Variants in GNS observed in about 807,000 individuals in gnomAD.
GNS encodes N-acetylglucosamine-6-sulfatase.
Under a neutral mutation model 69.7 loss-of-function variants are expected in GNS, and 40 were observed. That is an observed-to-expected ratio of 0.57 (90% confidence interval 0.45 to 0.75). The LOEUF is 0.75. Ranked by LOEUF, GNS falls within the 30% of genes least tolerant of loss-of-function variation. The probability of loss-of-function intolerance (pLI) is 0.00; values close to 1 mark genes in which losing one functional copy is unlikely to be tolerated. For missense variants in GNS, 565 were observed against 685.5 expected (o/e 0.82, Z 1.96); for synonymous variants, 243 against 251.6 (o/e 0.97, Z 0.32).
At chr12:64,742,109 C>G (rs1869757902) in intron 6 of GNS, among the ~76,000 whole-genome samples, 1 of 152,140 alleles carries the variant, frequency 6.6e-6, no homozygotes, top group South Asian at 2.1e-4. Context: ...CAAGCTCCGC[C>G]TCCCGGGTTC....
intron 1 of GNS, 64 bp downstream of exon 1, chr12:64,759,019 AAG>A (rs1215850637): frequency 3.0e-6 from 4 of 1,330,976 alleles, no homozygotes; most frequent in East Asian, 5.0e-5. Flanking sequence ...GGGACCGGGA[AAG>A]AGAGCAACAA....
In GNS at chr12:64,753,045, A is replaced by G. The variant is rs183364828; in HGVS notation, c.193-288T>C. 2.6e-5 allele frequency: 12 copies of G among 457,384 alleles called. No individual in the cohort carries two copies. In the Admixed American group the frequency reaches 4.0e-4, roughly 15 times the overall value. The allele number at this position is 457,384 out of a possible 1,614,324, so 28.3% of individuals were successfully genotyped here. A position where few individuals can be genotyped will look rare whatever the true frequency, so the allele number is the denominator to read the frequency against. On this transcript the variant is annotated intron_variant, in intron 1 of 13. Transcript: ENST00000258145. ...AGTCATCAGCGCCCAGATAAGGCAG[A>G]TAGGGCAGACCTATCTCCATGAATT...
rs150154231 is a variant in GNS, at chr12:64,752,703, T to C, written c.247A>G (p.Ser83Gly). The change falls in exon 2 of 14, where the codon AGT becomes GGT. Residue 83 changes from serine (S) to glycine (G), a missense_variant. Ser to Gly is a moderately conservative substitution (Grantham distance 56). Transcript: ENST00000258145. The stretch of plus-strand genomic sequence containing the variant: ...GAATTAACTTTCAAACTTACAGCAC[T>C]GGAAAAAGTCATCCCCATCTCTCCG... ...LIGEMGMTFS[S>G]AYVPSALCCP... 9 of 1,494,684 alleles carry C rather than the reference T, an allele frequency of 6.0e-6. No homozygotes were observed. The highest frequency in any genetic ancestry group is 8.4e-6 in the Non-Finnish European group (9 of 1,072,902). 92.6% of individuals were successfully genotyped at this position (1,494,684 alleles called of 1,614,324 possible). A position where few individuals can be genotyped will look rare whatever the true frequency, so the allele number is the denominator to read the frequency against.
intron 9 of GNS, among the ~76,000 whole-genome samples, chr12:64,730,088 A>G (rs1266966870): frequency 3.3e-5 from 5 of 152,188 alleles, no homozygotes; most frequent in African/African-American, 1.2e-4. Context: ...AAAAATCTTC[A>G]AGCACTGAAA....
At chr12:64,743,373 G>T in intron 5 of GNS, 65 bp from the exon 6 acceptor site, 1 of 1,157,024 alleles carries the variant, frequency 8.6e-7, no homozygotes, top group Non-Finnish European at 1.3e-6. Flanking sequence ...ATAGATAAAT[G>T]TCTTCTGGTG....
At position 64,755,309 on chromosome 12, in the gene GNS, T is replaced by C. The variant is rs1227710419; in HGVS notation, c.193-2552A>G. 2.0e-5 allele frequency among the ~76,000 whole-genome samples: 3 copies of C among 152,146 alleles called. No individual in the cohort carries two copies. In the East Asian group the frequency reaches 5.8e-4, roughly 29 times the overall value. On this transcript the variant is annotated intron_variant, in intron 1 of 13. Transcript: ENST00000258145. ...TTTCAGTGAAGCAATGACATATTTA[T>C]TCTCACACCTGTAATCCCACCCCTT...
intron 2 of GNS, among the ~76,000 whole-genome samples, chr12:64,749,292 G>C (rs1592507546): frequency 1.3e-5 from 1 of 75,248 alleles, no homozygotes; most frequent in South Asian, 4.7e-4. Context: ...TCGCTCTATT[G>C]CCCAGGCTGG....
intron 6 of GNS, among the ~76,000 whole-genome samples, chr12:64,742,107 G>A (rs951292114): frequency 2.0e-5 from 3 of 151,944 alleles, no homozygotes; most frequent in Non-Finnish European, 2.9e-5. Flanking sequence ...GGCAAGCTCC[G>A]CCTCCCGGGT....
At chr12:64,725,673 CTA>C (rs1445540053) in intron 10 of GNS, among the ~76,000 whole-genome samples, 2 of 152,070 alleles carry the variant, frequency 1.3e-5, no homozygotes, top group Non-Finnish European at 2.9e-5. Context: ...ATTTTTACCC[CTA>C]GAGTGAATCA....
At chr12:64,737,191 A>T in intron 8 of GNS, 84 bp from the exon 9 acceptor site, 1 of 803,916 alleles carries the variant, frequency 1.2e-6, no homozygotes, top group Non-Finnish European at 2.2e-6. Flanking sequence ...ATCCACAGCC[A>T]AAACTAAAAC....
chr12:64,755,434 C>T (rs922025898), intron 1 of GNS, among the ~76,000 whole-genome samples: 10 of 151,458 alleles, frequency 6.6e-5, no homozygotes, highest in African/African-American at 1.7e-4. Context: ...AAAAATTAGC[C>T]GGGCGTGGTG....
At chr12:64,729,905 T>A (rs185041975) in intron 9 of GNS, among the ~76,000 whole-genome samples, 21 of 152,332 alleles carry the variant, frequency 1.4e-4, no homozygotes, top group Admixed American at 1.2e-3. Context: ...CAATATTTTT[T>A]AAAAAATCAA....
At chr12:64,737,176 A>ATGT in intron 8 of GNS, 69 bp from the exon 9 acceptor site, 2 of 874,820 alleles carry the variant, frequency 2.3e-6, no homozygotes, top group Non-Finnish European at 3.9e-6. Flanking sequence ...TGTTTCACTC[A>ATGT]TTTAATCCAC....
At chr12:64,729,521 A>G (rs1257669356) in intron 9 of GNS, among the ~76,000 whole-genome samples, 1 of 152,230 alleles carries the variant, frequency 6.6e-6, no homozygotes, top group African/African-American at 2.4e-5. Flanking sequence ...AGCTCTTTTT[A>G]TAGCTTCTCA....
At chr12:64,754,935 G>A (rs1321739492) in intron 1 of GNS, among the ~76,000 whole-genome samples, 1 of 151,196 alleles carries the variant, frequency 6.6e-6, no homozygotes, top group Non-Finnish European at 1.5e-5. Flanking sequence ...TCTTTATACT[G>A]CTAACTATAG....
intron 1 of GNS, among the ~76,000 whole-genome samples, chr12:64,757,855 T>C (rs1451523007): frequency 2.6e-5 from 4 of 152,234 alleles, no homozygotes; most frequent in African/African-American, 9.7e-5. Flanking sequence ...AGCTAGGGTG[T>C]GTAACTACAC....
At chr12:64,742,721 C>T (rs914789356) in intron 6 of GNS, among the ~76,000 whole-genome samples, 6 of 152,194 alleles carry the variant, frequency 3.9e-5, no homozygotes, top group African/African-American at 7.2e-5. Context: ...CATGTCACCT[C>T]GTTCATTTTT....
At chr12:64,720,914 G>A (rs753343365) in intron 12 of GNS, among the ~76,000 whole-genome samples, 1 of 152,214 alleles carries the variant, frequency 6.6e-6, no homozygotes, top group African/African-American at 2.4e-5. Context: ...TTATGGGGGA[G>A]CAGGGAACAG....
At chr12:64,748,007 A>T (rs1425072647) in intron 2 of GNS, 89 bp from the exon 3 acceptor site, 2 of 781,054 alleles carry the variant, frequency 2.6e-6, no homozygotes, top group African/African-American at 1.7e-5. Context: ...AAAGCTCCTT[A>T]ATACTCTAAC....
Sources: allele counts gnomAD v4.1 joint callset (sites outside exome capture counted in the v4.1 genomes callset), GRCh38; gene constraint gnomAD v4.1.1; transcripts MANE v1.5; gene names NCBI Gene and HGNC (gene_info 2026-07-23, HGNC 2026-07-21).